The following ERN2 variants were observed in gnomAD, a reference collection of about 807,000 sequenced individuals.
ERN2 encodes endoplasmic reticulum to nucleus signaling 2.
Under a neutral mutation model 107.9 loss-of-function variants are expected in ERN2, and 111 were observed. The ratio of observed to expected loss-of-function variants is 1.03; its 90% confidence interval spans 0.88 to 1.20. The LOEUF is 1.20. Ranked by LOEUF, ERN2 falls within the 50% of genes most tolerant of loss-of-function variation. The pLI, the probability that ERN2 is intolerant of heterozygous loss-of-function variation, is 0.00. For synonymous variants in ERN2, 524 were observed against 501.7 expected (o/e 1.04, Z -0.59); for missense variants, 1,225 against 1,197.9 (o/e 1.02, Z -0.33).
chr16:23,695,571 A>T (rs565667430), intron 14 of ERN2, among the ~76,000 whole-genome samples, 182 bp from the exon 15 acceptor site: 22 of 152,070 alleles, frequency 1.4e-4, no homozygotes, highest in Middle Eastern at 3.4e-3. Flanking sequence ...TACTAAAAAA[A>T]ATATAAAAAT....
intron 8 of ERN2, among the ~76,000 whole-genome samples, chr16:23,703,325 A>G (rs1360855990): frequency 6.6e-6 from 1 of 152,160 alleles, no homozygotes; most frequent in Non-Finnish European, 1.5e-5. Context: ...CCTGCCTCTG[A>G]AAATGACAGT....
Position 23,702,512 on chromosome 16 carries a change from G to A in ERN2, c.959C>T (p.Ala320Val). The change falls in exon 10 of 22, where the codon GCA becomes GTA. Residue 320 changes from alanine to valine, a missense_variant. Coordinates refer to ENST00000256797, the MANE Select transcript of ERN2 (RefSeq NM_033266.4). ...LVPRGLTLAP[A>V]DGPTTDEVTL... is the part of the protein sequence containing the mutation. Reference sequence around the variant, plus strand: ...CACCTCATCTGTGGTGGGGCCATCTGCGGGGGCCAGGGTCAGTCCACGAGG... The same window carrying A: ...CACCTCATCTGTGGTGGGGCCATCTACGGGGGCCAGGGTCAGTCCACGAGG... 1 of 1,613,976 alleles carries A rather than the reference G, an allele frequency of 6.2e-7. No individual in the cohort carries two copies. Among genetic ancestry groups the A allele is most frequent in the South Asian group, 1.1e-5 (1 of 91,084 alleles).
chr16:23,710,632 A>T, intron 2 of ERN2, 83 bp from the exon 3 acceptor site: 2 of 1,439,126 alleles, frequency 1.4e-6, no homozygotes, highest in Admixed American at 1.7e-5. Flanking sequence ...GAGCTATGGC[A>T]TGACTGTGAT....
In ERN2 at chr16:23,702,254, TG is replaced by T; in HGVS notation, c.1100del (p.Pro367GlnfsTer8). On this transcript the variant is annotated frameshift_variant, in exon 11 of 22. Coordinates refer to ENST00000256797, the MANE Select transcript of ERN2 (RefSeq NM_033266.4). LOFTEE classifies it high-confidence loss of function. ...WLLIGHHELPPVLHTTMLRVH... is the reference protein window; with the variant it reads ...WLLIGHHELPXVLHTTMLRVH... ...CCCTCAGCATGGTGGTGTGCAGGAC[TG>T]GGGGTAGCTCGTGGTGTCCTAAGGT... 6.2e-7 allele frequency: 1 copy of T among 1,614,128 alleles called. No homozygotes were observed. The highest frequency in any genetic ancestry group is 1.1e-5 in the South Asian group (1 of 91,088).
chr16:23,691,721 A>G (rs1959603836), intron 19 of ERN2, among the ~76,000 whole-genome samples: 1 of 152,216 alleles, frequency 6.6e-6, no homozygotes, highest in African/African-American at 2.4e-5. Flanking sequence ...GTGGAAAGGA[A>G]TGGGCTATAT....
chr16:23,708,372 T>C (rs1294471342), intron 4 of ERN2, among the ~76,000 whole-genome samples: 1 of 145,222 alleles, frequency 6.9e-6, no homozygotes, highest in African/African-American at 2.6e-5. Context: ...TTTTTTTTTT[T>C]TGGAGACATG....
At chr16:23,693,128 A>G (rs1306766726) in intron 17 of ERN2, among the ~76,000 whole-genome samples, 1 of 151,820 alleles carries the variant, frequency 6.6e-6, no homozygotes, top group East Asian at 1.9e-4. Flanking sequence ...CCCTGCCTCT[A>G]CAAAAAAATA....
chr16:23,705,130 A>T lies in ERN2; in HGVS notation c.607T>A (p.Ser203Thr), dbSNP rs551527373. ...GTGAGCAGCAGGCCCATCCCGCAGG[A>T]CGCCAGGTGGCTCATGTCTGCCGAG... is the stretch of plus-strand genomic sequence containing the variant. ...SPGKYMSHLA[S>T]CGMGLLLTVD... The change falls in exon 8 of 22, where the codon TCC (serine) becomes ACC (threonine). Residue 203 changes from serine to threonine, a missense_variant. By Grantham distance (58) the Ser-to-Thr change is moderately conservative (BLOSUM62 1). Coordinates refer to ENST00000256797, the MANE Select transcript of ERN2 (RefSeq NM_033266.4). 6.2e-7 allele frequency: 1 copy of T among 1,612,122 alleles called. No individual in the cohort carries two copies. Among genetic ancestry groups the T allele is most frequent in the South Asian group, 1.1e-5 (1 of 91,032 alleles).
rs1381368894 is a variant in ERN2, at chr16:23,695,817, GA to G, written c.1610+76del. ...TACCCACCTCGGGGAGTCTTTGAAA[GA>G]ATGTCTCTCCAGGGGACAGTGCCCA... On this transcript the variant is annotated intron_variant, in intron 14 of 21. Transcript: ENST00000256797. The G allele has an allele frequency of 2.4e-5, 26 of 1,098,336 alleles. No homozygotes were observed. In the Middle Eastern group the frequency reaches 5.9e-4, roughly 25 times the overall value. The allele number at this position is 1,098,336 out of a possible 1,614,324, so 68.0% of individuals were successfully genotyped here.
intron 13 of ERN2, among the ~76,000 whole-genome samples, chr16:23,698,704 G>A (rs996842716): frequency 6.6e-6 from 1 of 152,054 alleles, no homozygotes; most frequent in South Asian, 2.1e-4. Flanking sequence ...TTGTACCTCA[G>A]CCACCCCCCA....
Position 23,706,878 on chromosome 16 carries a change from T to C in ERN2, c.380-17A>G, listed in dbSNP as rs1960337272. On this transcript the variant is annotated splice_polypyrimidine_tract_variant and intron_variant, in intron 5 of 21. Coordinates refer to ENST00000256797, the MANE Select transcript of ERN2 (RefSeq NM_033266.4). Reference sequence around the variant, plus strand: ...GCTTCCGGCCTGTGGAGGTGGAAAGTGTGTTAGCTCTCAAGTTGGCATGGG... The same window carrying C: ...GCTTCCGGCCTGTGGAGGTGGAAAGCGTGTTAGCTCTCAAGTTGGCATGGG... 2 of 1,605,540 alleles carry C rather than the reference T, an allele frequency of 1.2e-6. No homozygotes were observed. The highest frequency in any genetic ancestry group is 1.3e-5 in the African/African-American group (1 of 74,840).
rs781343603 is a variant in ERN2 at position 23,690,889 on chromosome 16, G to A, written c.2723C>T (p.Pro908Leu). 4.1e-5 allele frequency: 66 copies of A among 1,613,886 alleles called. No individual in the cohort carries two copies. The highest frequency in any genetic ancestry group is 5.6e-5 in the Non-Finnish European group (66 of 1,180,050). Residue 908 changes from proline (P) to leucine (L), a missense_variant, in exon 22 of 22, where the codon CCC becomes CTC. Pro to Leu is a moderately conservative substitution (Grantham distance 98). Transcript: ENST00000256797. ...GGCCTCTGAGTCTGGCGGGTAGTAG[G>A]GCAGGAAGAGGCTCTCAGAGGCGCA... Reference protein sequence around the residue: ...RSCASESLFLPYYPPDSEARR... With the variant: ...RSCASESLFLLYYPPDSEARR...
Position 23,705,044 on chromosome 16 carries a change from G to A in ERN2, c.693C>T (p.Gly231=), listed in dbSNP as rs1018209888. 7 of 1,613,782 alleles carry A rather than the reference G, an allele frequency of 4.3e-6. No homozygotes were observed. The highest frequency in any genetic ancestry group is 1.1e-5 in the South Asian group (1 of 91,082). Reference sequence around the variant, plus strand: ...GGCCGTCCTGGTGCCAGGTGTAGACGCCCATCACAGGCACGCCCAGGTCCT... The same window carrying A: ...GGCCGTCCTGGTGCCAGGTGTAGACACCCATCACAGGCACGCCCAGGTCCT... ...WTQDLGVPVM[G]VYTWHQDGLR... The change falls in exon 8 of 22, where the codon GGC becomes GGT. Residue 231 remains glycine, a synonymous_variant. Coordinates refer to ENST00000256797, the MANE Select transcript of ERN2 (RefSeq NM_033266.4).
intron 7 of ERN2, 193 bp downstream of exon 7, chr16:23,706,137 T>C (rs1376832655): frequency 5.6e-6 from 3 of 538,474 alleles, no homozygotes; most frequent in Non-Finnish European, 9.8e-6. Flanking sequence ...TTGGCCAGGG[T>C]TCAGGAGGGT....
chr16:23,711,904 C>T (rs545423388), intron 1 of ERN2: 2 of 224,898 alleles, frequency 8.9e-6, no homozygotes, highest in South Asian at 7.4e-5. Flanking sequence ...TGCCAGGCTC[C>T]AGTGGGTCCC....
Position 23,695,062 on chromosome 16 carries a change from C to A in ERN2, c.1857G>T (p.Gln619His). 6.2e-7 allele frequency: 1 copy of A among 1,613,816 alleles called. No homozygotes were observed. The highest frequency in any genetic ancestry group is 1.1e-5 in the South Asian group (1 of 91,018). ...GGTGGGCCAGGCCAGACATCAGCTG[C>A]TGCAGCACGACCTCGGGCTCCAGAC... is the stretch of plus-strand genomic sequence containing the variant. ...RGGLEPEVVLQQLMSGLAHLH... is the reference protein window; with the variant it reads ...RGGLEPEVVLHQLMSGLAHLH... The change falls in exon 16 of 22, where the codon CAG becomes CAT. Residue 619 changes from glutamine (Q) to histidine (H), a missense_variant. Gln to His is a conservative substitution (Grantham distance 24). Coordinates refer to ENST00000256797, the MANE Select transcript of ERN2 (RefSeq NM_033266.4).
At position 23,712,866 on chromosome 16, in the gene ERN2, TG is replaced by T. The variant is rs138991662; in HGVS notation, c.93+228del. The T allele has an allele frequency of 1.9e-3, 991 of 523,938 alleles. 9 individuals carry two copies. The highest frequency in any genetic ancestry group is 0.019 in the African/African-American group (924 of 49,248). 32.5% of individuals were successfully genotyped at this position (523,938 alleles called of 1,614,324 possible). ...AGAGGCGGGGTGCTCTGTCTACTCT[TG>T]CCTTTCCACGCTGGCAGATCTCCCC... is the stretch of plus-strand genomic sequence containing the variant. On this transcript the variant is annotated intron_variant, in intron 1 of 21. Coordinates refer to ENST00000256797, the MANE Select transcript of ERN2 (RefSeq NM_033266.4).
chr16:23,691,485 T>C, intron 19 of ERN2, 60 bp from the exon 20 acceptor site: 2 of 1,566,310 alleles, frequency 1.3e-6, no homozygotes, highest in Non-Finnish European at 1.7e-6. Context: ...TAGCCAGGAG[T>C]GTGTTGTCTT....
chr16:23,702,388 A>G lies in ERN2; in HGVS notation c.1081+2T>C. On this transcript the variant is annotated splice_donor_variant, in intron 10 of 21. Coordinates refer to ENST00000256797, the MANE Select transcript of ERN2 (RefSeq NM_033266.4). LOFTEE classifies it high-confidence loss of function. ...CTCCCAATTTGAGCCAGAGGATCTC[A>G]CCAATGAGCAGCCACTGGCTTGGGA... 6.2e-7 allele frequency: 1 copy of G among 1,612,650 alleles called. No homozygotes were observed. Among genetic ancestry groups the G allele is most frequent in the Non-Finnish European group, 8.5e-7 (1 of 1,179,174 alleles).
Sources: gnomAD v4.1 joint callset for allele counts (sites outside exome capture counted in the v4.1 genomes callset) on GRCh38, gnomAD v4.1.1 for gene constraint, MANE v1.5 for transcripts, NCBI Gene and HGNC (gene_info 2026-07-23, HGNC 2026-07-21) for gene names.